Variants in MRPS31 observed in about 807,000 individuals in gnomAD.
MRPS31 encodes the protein small ribosomal subunit protein mS31.
A neutral mutation model predicts 43.1 loss-of-function variants in MRPS31; 32 were observed. The observed-to-expected ratio is 0.74, with a 90% CI of 0.56 to 1.00. MRPS31 has a LOEUF of 1.00. Ranked by LOEUF, MRPS31 falls within the 50% of genes least tolerant of loss-of-function variation. The probability of loss-of-function intolerance (pLI) is 0.00; values close to 1 mark genes in which losing one functional copy is unlikely to be tolerated. For missense variants in MRPS31, 437 were observed against 466.7 expected (o/e 0.94, Z 0.59); for synonymous variants, 165 against 161.6 (o/e 1.02, Z -0.16).
chr13:40,751,876 T>C (rs1289580057), intron 5 of MRPS31, among the ~76,000 whole-genome samples: 1 of 152,202 alleles, frequency 6.6e-6, no homozygotes, highest in African/African-American at 2.4e-5. Flanking sequence ...ATAAAATATA[T>C]AAAACTTCAA....
intron 6 of MRPS31, among the ~76,000 whole-genome samples, chr13:40,739,785 A>C (rs1593443442): frequency 2.0e-5 from 3 of 151,510 alleles, no homozygotes; most frequent in Admixed American, 2.0e-4. Context: ...TACAAAAATC[A>C]ATTCAAGATG....
intron 6 of MRPS31, among the ~76,000 whole-genome samples, chr13:40,736,011 G>A (rs1298378807): frequency 6.9e-6 from 1 of 144,920 alleles, no homozygotes. Flanking sequence ...CAAACCAAAG[G>A]CAAAGAAGTT....
In MRPS31 at chr13:40,750,265, G is replaced by T. The variant is rs539079294; in HGVS notation, c.815-984C>A. Among the ~76,000 whole-genome samples, 12 of 152,272 alleles carry T rather than the reference G, an allele frequency of 7.9e-5. No individual in the cohort carries two copies. In the East Asian group the frequency reaches 2.3e-3, roughly 29 times the overall value. On this transcript the variant is annotated intron_variant, in intron 5 of 6. Transcript: ENST00000323563. ...TCATTATGCTGAGTCAAAGAAGCCAGATGCAAAGGAGTATATACTATGTGA... is the reference window on the plus strand; with the variant it reads ...TCATTATGCTGAGTCAAAGAAGCCATATGCAAAGGAGTATATACTATGTGA...
chr13:40,744,940 G>A lies in MRPS31; in HGVS notation c.958+4198C>T, dbSNP rs1880201539. On this transcript the variant is annotated intron_variant, in intron 6 of 6. Transcript: ENST00000323563. ...ATTTTATTTTTATTTATTTATTTTT[G>A]AGATGGAGTCTTGCTCTGTCACCTA... Among the ~76,000 whole-genome samples the A allele has an allele frequency of 2.0e-5, 3 of 148,222 alleles. No individual in the cohort carries two copies. The South Asian group carries it at 6.4e-4, about 32-fold the overall frequency.
At chr13:40,762,071 G>A (rs541542828) in intron 2 of MRPS31, among the ~76,000 whole-genome samples, 11 of 151,486 alleles carry the variant, frequency 7.3e-5, no homozygotes, top group Admixed American at 3.9e-4. Flanking sequence ...GTGAAACATC[G>A]TCTCTACAAA....
chr13:40,757,505 C>T (rs1184641704), intron 3 of MRPS31, among the ~76,000 whole-genome samples: 12 of 130,572 alleles, frequency 9.2e-5, no homozygotes, highest in African/African-American at 3.5e-4. Flanking sequence ...AGTGCAGTGG[C>T]GCAATCTCGG....
intron 4 of MRPS31, among the ~76,000 whole-genome samples, 193 bp from the exon 5 acceptor site, chr13:40,754,285 T>C (rs1026861947): frequency 3.9e-5 from 6 of 152,230 alleles, no homozygotes; most frequent in African/African-American, 1.4e-4. Flanking sequence ...ACTTGAAGTT[T>C]TGCTTCATAA....
rs1880995208 is a variant in MRPS31, at chr13:40,771,067, G to A, written c.70C>T (p.Pro24Ser). Residue 24 changes from proline (P) to serine (S), a missense_variant, in exon 1 of 7, where the codon CCG (proline) becomes TCG (serine). Physicochemically the swap from Pro to Ser is moderately conservative, Grantham distance 74. Coordinates refer to ENST00000323563, the MANE Select transcript of MRPS31 (RefSeq NM_005830.4). ...ATAATCGCAGCCGCTGATGTCTCCGGGCTTCCAGAGGACAAAGGGTGGCGG... is the reference window on the plus strand; with the variant it reads ...ATAATCGCAGCCGCTGATGTCTCCGAGCTTCCAGAGGACAAAGGGTGGCGG... Reference protein sequence around the residue: ...LSRHPLSSGSPETSAAAIMLL... With the variant: ...LSRHPLSSGSSETSAAAIMLL... The A allele has an allele frequency of 6.2e-7, 1 of 1,614,014 alleles. No homozygotes were observed. Among genetic ancestry groups the A allele is most frequent in the African/African-American group, 1.3e-5 (1 of 74,906 alleles).
intron 6 of MRPS31, among the ~76,000 whole-genome samples, chr13:40,732,406 T>C (rs1435361325): frequency 1.3e-5 from 2 of 152,184 alleles, no homozygotes; most frequent in African/African-American, 4.8e-5. Flanking sequence ...ATCTCTCAAA[T>C]CCATTCTGGC....
chr13:40,769,176 G>A (rs112355444), intron 1 of MRPS31, among the ~76,000 whole-genome samples: 4,903 of 151,642 alleles, frequency 0.032, 190 homozygotes, highest in East Asian at 0.14. Context: ...AGGAGTTCAA[G>A]ACCAGCCTGG....
intron 6 of MRPS31, among the ~76,000 whole-genome samples, chr13:40,744,571 T>G (rs1190847430): frequency 6.6e-6 from 1 of 152,252 alleles, no homozygotes; most frequent in Admixed American, 6.5e-5. Flanking sequence ...TTATTATTTA[T>G]TTATTTTTGA....
intron 5 of MRPS31, among the ~76,000 whole-genome samples, chr13:40,750,774 T>TATATATATATATATATATA (rs1880368803): frequency 7.8e-6 from 1 of 127,996 alleles, no homozygotes; most frequent in African/African-American, 3.1e-5. Context: ...ATATATATAT[T>TATATATATATATATATATA]ACATATATAT....
chr13:40,746,308 T>A (rs541095319), intron 6 of MRPS31, among the ~76,000 whole-genome samples: 2 of 152,334 alleles, frequency 1.3e-5, no homozygotes, highest in South Asian at 2.1e-4. Context: ...AGGCTTCAGG[T>A]TACAATGCCA....
intron 1 of MRPS31, 75 bp from the exon 2 acceptor site, chr13:40,767,108 A>G (rs1295674459): frequency 8.2e-7 from 1 of 1,224,970 alleles, no homozygotes; most frequent in Admixed American, 2.9e-5. Context: ...TACTTACAAT[A>G]AAGTAAAAAA....
At chr13:40,741,392 C>G (rs1410333961) in intron 6 of MRPS31, among the ~76,000 whole-genome samples, 2 of 152,040 alleles carry the variant, frequency 1.3e-5, no homozygotes, top group African/African-American at 2.4e-5. Context: ...TATTGAGTTC[C>G]TACAAACACT....
chr13:40,751,594 G>A (rs1430657352), intron 5 of MRPS31, among the ~76,000 whole-genome samples: 4 of 152,126 alleles, frequency 2.6e-5, no homozygotes, highest in Admixed American at 2.6e-4. Flanking sequence ...ACAAGACATG[G>A]GAATCATGGA....
chr13:40,733,753 T>C lies in MRPS31; in HGVS notation c.959-4152A>G, dbSNP rs544990397. 6.6e-5 allele frequency among the ~76,000 whole-genome samples: 10 copies of C among 152,054 alleles called. No homozygotes were observed. In the South Asian group the frequency reaches 2.1e-3, roughly 32 times the overall value. ...GAGGATGAGGCGAGTGGATTGCTTA[T>C]TAAGTGCAGGAGTTCACGACCAGCC... On this transcript the variant is annotated intron_variant, in intron 6 of 6. Coordinates refer to ENST00000323563, the MANE Select transcript of MRPS31 (RefSeq NM_005830.4).
Position 40,769,760 on chromosome 13 carries a change from T to C in MRPS31, c.152+1225A>G, listed in dbSNP as rs932563476. Reference sequence around the variant, plus strand: ...TCACATGTAATCTTTACTACAATGTTTTCTTTCAAGACTGCTATCATACCA... The same window carrying C: ...TCACATGTAATCTTTACTACAATGTCTTCTTTCAAGACTGCTATCATACCA... On this transcript the variant is annotated intron_variant, in intron 1 of 6. Coordinates refer to ENST00000323563, the MANE Select transcript of MRPS31 (RefSeq NM_005830.4). Among the ~76,000 whole-genome samples the C allele has an allele frequency of 3.9e-5, 6 of 152,024 alleles. No homozygotes were observed. In the East Asian group the frequency reaches 1.2e-3, roughly 29 times the overall value.
intron 6 of MRPS31, among the ~76,000 whole-genome samples, chr13:40,735,586 G>A (rs1879871315): frequency 6.6e-6 from 1 of 152,054 alleles, no homozygotes; most frequent in African/African-American, 2.4e-5. Context: ...GGAGATCTGA[G>A]AACGGGCAGA....
Sources: gnomAD v4.1 joint callset for allele counts (sites outside exome capture counted in the v4.1 genomes callset) on GRCh38, gnomAD v4.1.1 for gene constraint, MANE v1.5 for transcripts, NCBI Gene and HGNC (gene_info 2026-07-23, HGNC 2026-07-21) for gene names.